The following DLG2 variants were observed in gnomAD, a reference collection of about 807,000 sequenced individuals.
The protein encoded by DLG2 is discs large MAGUK scaffold protein 2, also known as disks large homolog 2.
Under a neutral mutation model 132.5 loss-of-function variants are expected in DLG2, and 45 were observed. The observed-to-expected ratio is 0.34, with a 90% CI of 0.27 to 0.44. DLG2 has a LOEUF of 0.44. Ranked by LOEUF, DLG2 falls within the 20% of genes least tolerant of loss-of-function variation. The pLI, the probability that DLG2 is intolerant of heterozygous loss-of-function variation, is 1.00. For missense variants in DLG2, 1,045 were observed against 1,196.9 expected, an observed-to-expected ratio of 0.87 and a Z score of 1.87; for synonymous variants, 424 against 419.6, an observed-to-expected ratio of 1.01 and a Z score of -0.13.
intron 6 of DLG2, among the ~76,000 whole-genome samples, chr11:84,991,148 A>G (rs149921420): frequency 0.016 from 2,484 of 152,352 alleles, 81 homozygotes; most frequent in African/African-American, 0.057. Flanking sequence ...CAAATTTGAA[A>G]AACAAAATTA....
chr11:84,354,431 T>C (rs2098599071), intron 7 of DLG2, among the ~76,000 whole-genome samples: 1 of 152,188 alleles, frequency 6.6e-6, no homozygotes, highest in South Asian at 2.1e-4. Flanking sequence ...TGTTCAGCTT[T>C]AATTTCCTAA....
chr11:84,581,830 C>T (rs182508726), intron 6 of DLG2, among the ~76,000 whole-genome samples: 1 of 150,984 alleles, frequency 6.6e-6, no homozygotes, highest in Non-Finnish European at 1.5e-5. Flanking sequence ...TCGCTTGAAC[C>T]CGGGAGGCGG....
At chr11:83,479,383 G>GA (rs370088698) in intron 22 of DLG2, among the ~76,000 whole-genome samples, 1 of 148,606 alleles carries the variant, frequency 6.7e-6, no homozygotes, top group Non-Finnish European at 1.5e-5. Context: ...ACGGGGGGGG[G>GA]AAAACCTCAA....
At chr11:85,334,750 G>A (rs1428359577) in intron 3 of DLG2, among the ~76,000 whole-genome samples, 2 of 151,948 alleles carry the variant, frequency 1.3e-5, no homozygotes, top group East Asian at 3.9e-4. Flanking sequence ...TATCTTCTTG[G>A]TATTAATTTC....
At chr11:84,400,875 G>A (rs1332958394) in intron 7 of DLG2, among the ~76,000 whole-genome samples, 1 of 151,876 alleles carries the variant, frequency 6.6e-6, no homozygotes, top group Non-Finnish European at 1.5e-5. Flanking sequence ...TTCTCATTCT[G>A]AATTACTAAC....
At chr11:83,461,095 A>C (rs1390873853) in intron 27 of DLG2, among the ~76,000 whole-genome samples, 4 of 134,184 alleles carry the variant, frequency 3.0e-5, no homozygotes, top group African/African-American at 8.7e-5. Flanking sequence ...TGCGACCTCC[A>C]CCTCCTGGGT....
intron 6 of DLG2, among the ~76,000 whole-genome samples, chr11:84,632,377 A>G (rs906776722): frequency 6.6e-6 from 1 of 152,198 alleles, no homozygotes; most frequent in Non-Finnish European, 1.5e-5. Flanking sequence ...GTTTGAAGAA[A>G]AAAAAATTAC....
chr11:84,476,026 T>C (rs1290591964), intron 7 of DLG2, among the ~76,000 whole-genome samples: 3 of 152,102 alleles, frequency 2.0e-5, no homozygotes, highest in African/African-American at 7.2e-5. Flanking sequence ...TTACATGAGG[T>C]ATATAATTCT....
At chr11:83,642,372 C>T (rs1424660847) in intron 18 of DLG2, among the ~76,000 whole-genome samples, 1 of 152,202 alleles carries the variant, frequency 6.6e-6, no homozygotes, top group African/African-American at 2.4e-5. Context: ...TTCCTCCTCA[C>T]CCCTTCTCTG....
chr11:85,497,667 G>A (rs2093698616), intron 3 of DLG2, among the ~76,000 whole-genome samples: 2 of 151,720 alleles, frequency 1.3e-5, no homozygotes, highest in East Asian at 3.9e-4. Context: ...AAATGTTAAG[G>A]GTAACCAGAG....
intron 7 of DLG2, among the ~76,000 whole-genome samples, chr11:84,346,946 C>G (rs1441587937): frequency 6.6e-6 from 1 of 152,080 alleles, no homozygotes; most frequent in Non-Finnish European, 1.5e-5. Context: ...ACCTCTTTCC[C>G]TAATGTTCAA....
chr11:84,043,914 A>C (rs1314711921), intron 11 of DLG2, among the ~76,000 whole-genome samples: 4 of 151,548 alleles, frequency 2.6e-5, no homozygotes, highest in Non-Finnish European at 4.4e-5. Context: ...TTTTTAATTG[A>C]ATTTATTTTA....
chr11:84,864,773 C>T (rs1469102898), intron 6 of DLG2, among the ~76,000 whole-genome samples: 2 of 152,080 alleles, frequency 1.3e-5, no homozygotes, highest in Non-Finnish European at 2.9e-5. Context: ...ATTTATACTA[C>T]CCGGGAAGGT....
chr11:84,561,910 TCAACC>T (rs2099429447), intron 6 of DLG2, among the ~76,000 whole-genome samples: 1 of 152,142 alleles, frequency 6.6e-6, no homozygotes, highest in Non-Finnish European at 1.5e-5. Flanking sequence ...CAACTGGGTT[TCAACC>T]AAACAGAATT....
At chr11:83,461,012 T>G (rs1260011920) in intron 27 of DLG2, among the ~76,000 whole-genome samples, 1 of 147,808 alleles carries the variant, frequency 6.8e-6, no homozygotes, top group African/African-American at 2.5e-5. Flanking sequence ...TTTTTTTTTT[T>G]TTTTTTTTTT....
intron 6 of DLG2, among the ~76,000 whole-genome samples, chr11:84,983,869 A>G (rs1165970095): frequency 2.6e-5 from 4 of 152,282 alleles, no homozygotes; most frequent in Admixed American, 6.5e-5. Flanking sequence ...AAGTCTCAGC[A>G]ACAGAATCGA....
At chr11:84,630,127 C>T (rs2099629009) in intron 6 of DLG2, among the ~76,000 whole-genome samples, 1 of 152,116 alleles carries the variant, frequency 6.6e-6, no homozygotes, top group Non-Finnish European at 1.5e-5. Context: ...TGATATTCTT[C>T]AACCCTTTCC....
intron 4 of DLG2, among the ~76,000 whole-genome samples, chr11:85,252,335 T>A (rs993031431): frequency 6.6e-6 from 1 of 152,108 alleles, no homozygotes; most frequent in African/African-American, 2.4e-5. Context: ...GTTTTAATAG[T>A]TAGGAATGGT....
intron 6 of DLG2, among the ~76,000 whole-genome samples, chr11:84,643,476 C>A (rs59358265): frequency 0.15 from 23,448 of 152,080 alleles, 2,267 homozygotes; most frequent in African/African-American, 0.27. Context: ...TAAGGGACCA[C>A]ATAGATTTCC....
Sources: gnomAD v4.1 joint callset for allele counts (sites outside exome capture counted in the v4.1 genomes callset) on GRCh38, gnomAD v4.1.1 for gene constraint, MANE v1.5 for transcripts, NCBI Gene and HGNC (gene_info 2026-07-23, HGNC 2026-07-21) for gene names.